The following SLC24A2 variants were observed in gnomAD, a reference collection of about 807,000 sequenced individuals.
SLC24A2 encodes the protein solute carrier family 24 member 2, also known as sodium/potassium/calcium exchanger 2.
Under a neutral mutation model 62.0 loss-of-function variants are expected in SLC24A2, and 36 were observed. The ratio of observed to expected loss-of-function variants is 0.58; its 90% CI spans 0.44 to 0.77. SLC24A2 has a LOEUF of 0.77. SLC24A2 is among the 30% of genes least tolerant of loss of function. SLC24A2 has a pLI of 0.00. For missense variants in SLC24A2, 846 were observed against 817.9 expected (o/e 1.03, Z -0.42); for synonymous variants, 358 against 294.0 (o/e 1.22, Z -2.23).
chr9:19,714,706 T>A (rs1021941589), intron 2 of SLC24A2, among the ~76,000 whole-genome samples: 12 of 152,308 alleles, frequency 7.9e-5, no homozygotes, highest in Non-Finnish European at 1.3e-4. Context: ...AAATGGTCAT[T>A]ACAGTGAAAC....
the SLC24A2 span, among the ~76,000 whole-genome samples, chr9:20,041,599 C>T: frequency 8.5e-5 from 13 of 152,074 alleles, no homozygotes; most frequent in East Asian, 1.9e-4. Flanking sequence ...AGGGCAGTTA[C>T]GATAGAGGAA....
intron 3 of SLC24A2, among the ~76,000 whole-genome samples, chr9:19,621,627 T>A (rs892249277): frequency 1.3e-5 from 2 of 152,194 alleles, no homozygotes; most frequent in African/African-American, 4.8e-5. Flanking sequence ...TTCTTTACGA[T>A]GGTGCAAAAT....
intron 2 of SLC24A2, among the ~76,000 whole-genome samples, chr9:19,651,821 C>T (rs1045047273): frequency 2.6e-5 from 4 of 152,188 alleles, no homozygotes; most frequent in Admixed American, 6.5e-5. Context: ...AGCATCTACC[C>T]GCTCCTGATT....
At chr9:20,267,852 G>A in the SLC24A2 span, among the ~76,000 whole-genome samples, 10 of 152,248 alleles carry the variant, frequency 6.6e-5, no homozygotes, top group African/African-American at 1.2e-4. Flanking sequence ...TGAGTCAATC[G>A]TGTAAGGAGT....
chr9:20,023,737 T>A, the SLC24A2 span, among the ~76,000 whole-genome samples: 337 of 152,148 alleles, frequency 2.2e-3, 3 homozygotes, highest in East Asian at 0.029. Context: ...TAGAGAAGAG[T>A]TAGCCAAATG....
the SLC24A2 span, among the ~76,000 whole-genome samples, chr9:20,263,179 C>T: frequency 7.8e-4 from 119 of 152,254 alleles, no homozygotes; most frequent in Admixed American, 1.6e-3. Flanking sequence ...CTGAGGTTAA[C>T]CTGGAAGGAT....
At chr9:19,579,450 T>TCA (rs1563979736) in intron 5 of SLC24A2, among the ~76,000 whole-genome samples, 2 of 152,142 alleles carry the variant, frequency 1.3e-5, no homozygotes, top group African/African-American at 4.8e-5. Context: ...AAGTCCCAAA[T>TCA]CATCTGGTTT....
the SLC24A2 span, among the ~76,000 whole-genome samples, chr9:19,800,605 G>A: frequency 6.6e-6 from 1 of 151,942 alleles, no homozygotes; most frequent in Non-Finnish European, 1.5e-5. Flanking sequence ...ACTTTTATGA[G>A]GTGAGTGGGA....
chr9:19,549,488 C>A (rs1431145407), intron 8 of SLC24A2, among the ~76,000 whole-genome samples: 2 of 152,172 alleles, frequency 1.3e-5, no homozygotes, highest in Non-Finnish European at 2.9e-5. Context: ...CAGTTTCTGC[C>A]TTCTGTCACT....
the SLC24A2 span, among the ~76,000 whole-genome samples, chr9:20,265,087 C>G: frequency 6.6e-6 from 1 of 152,258 alleles, no homozygotes; most frequent in South Asian, 2.1e-4. Flanking sequence ...CTAAATGGCT[C>G]TGCTCTTGCA....
the SLC24A2 span, among the ~76,000 whole-genome samples, chr9:20,137,568 G>A: frequency 6.6e-6 from 1 of 152,208 alleles, no homozygotes; most frequent in African/African-American, 2.4e-5. Flanking sequence ...AACTAGATAT[G>A]AAAGTAAAAG....
chr9:20,186,423 T>C, the SLC24A2 span, among the ~76,000 whole-genome samples: 1 of 152,192 alleles, frequency 6.6e-6, no homozygotes, highest in Non-Finnish European at 1.5e-5. Flanking sequence ...GGACTCTCTC[T>C]TCACCATCTG....
At chr9:19,663,546 G>T (rs1038118019) in intron 2 of SLC24A2, among the ~76,000 whole-genome samples, 1 of 152,078 alleles carries the variant, frequency 6.6e-6, no homozygotes, top group East Asian at 1.9e-4. Context: ...TGGGGACCTG[G>T]GAATGGATCA....
the SLC24A2 span, among the ~76,000 whole-genome samples, chr9:19,984,639 G>C: frequency 6.6e-6 from 1 of 152,316 alleles, no homozygotes; most frequent in African/African-American, 2.4e-5. Flanking sequence ...CCAGGAGGCA[G>C]AAGTTGCAGT....
chr9:19,677,128 A>G (rs2118362101), intron 2 of SLC24A2, among the ~76,000 whole-genome samples: 1 of 152,354 alleles, frequency 6.6e-6, no homozygotes, highest in East Asian at 1.9e-4. Flanking sequence ...ACACATGCAC[A>G]TGTATGTTCA....
At chr9:19,715,248 G>T (rs932171756) in intron 2 of SLC24A2, among the ~76,000 whole-genome samples, 1 of 152,128 alleles carries the variant, frequency 6.6e-6, no homozygotes, top group Non-Finnish European at 1.5e-5. Flanking sequence ...AGGAATATCA[G>T]AGTCCTCTTG....
At chr9:19,865,301 A>G in the SLC24A2 span, among the ~76,000 whole-genome samples, 4 of 152,158 alleles carry the variant, frequency 2.6e-5, no homozygotes, top group Admixed American at 2.6e-4. Context: ...TAAAAATACC[A>G]ATAACATTCT....
chr9:19,785,847 A>G (rs113866980), intron 2 of SLC24A2, 90 bp downstream of exon 2: 11 of 1,544,858 alleles, frequency 7.1e-6, no homozygotes, highest in African/African-American at 6.8e-5. Context: ...CCCAAACACC[A>G]TCACATCAAA....
the SLC24A2 span, among the ~76,000 whole-genome samples, chr9:20,060,157 TA>T: frequency 4.6e-5 from 7 of 151,322 alleles, no homozygotes; most frequent in African/African-American, 9.7e-5. Flanking sequence ...GAATTAGTAA[TA>T]AAAAAAAATC....
Sources: gnomAD v4.1 joint callset for allele counts (sites outside exome capture counted in the v4.1 genomes callset) on GRCh38, gnomAD v4.1.1 for gene constraint, MANE v1.5 for transcripts, NCBI Gene and HGNC (gene_info 2026-07-23, HGNC 2026-07-21) for gene names.